LSAMP: variants seen among roughly 807,000 people sequenced by gnomAD.
LSAMP encodes limbic system associated membrane protein.
LSAMP carries 7 observed loss-of-function variants against 38.6 expected under a neutral mutation model. That is an observed-to-expected ratio of 0.18 (90% CI 0.10 to 0.34). The LOEUF (loss-of-function observed/expected upper bound fraction) is 0.34, where lower values mean the gene tolerates loss of function less well. Among genes scored for constraint, LSAMP ranks in the 10% least tolerant of loss-of-function variants. The probability of loss-of-function intolerance (pLI) is 1.00; values close to 1 mark genes in which losing one functional copy is unlikely to be tolerated. For synonymous variants in LSAMP, 154 were observed against 166.8 expected (o/e 0.92, Z 0.59); for missense variants, 313 against 420.0 (o/e 0.75, Z 2.23).
chr3:115,819,717 C>T (rs921758713), intron 6 of LSAMP, among the ~76,000 whole-genome samples: 1 of 152,128 alleles, frequency 6.6e-6, no homozygotes, highest in Non-Finnish European at 1.5e-5. Flanking sequence ...CTTTAAAAAG[C>T]AAAACAGGTT....
intron 2 of LSAMP, among the ~76,000 whole-genome samples, chr3:116,049,124 A>G (rs1941345483): frequency 6.6e-6 from 1 of 152,246 alleles, no homozygotes; most frequent in Non-Finnish European, 1.5e-5. Context: ...ATGCTCAACC[A>G]GAGCTTGAAG....
chr3:115,861,328 G>A (rs1935694592), intron 3 of LSAMP, among the ~76,000 whole-genome samples: 1 of 151,960 alleles, frequency 6.6e-6, no homozygotes, highest in Non-Finnish European at 1.5e-5. Context: ...CCTGTTTCTT[G>A]ACACTGAGTA....
chr3:115,926,659 A>G (rs1937506336), intron 3 of LSAMP, among the ~76,000 whole-genome samples: 2 of 152,228 alleles, frequency 1.3e-5, no homozygotes, highest in African/African-American at 4.8e-5. Context: ...GCAGACGTGC[A>G]TCAGGAGTTG....
chr3:115,969,247 G>A (rs1938931519), intron 3 of LSAMP, among the ~76,000 whole-genome samples: 1 of 152,186 alleles, frequency 6.6e-6, no homozygotes, highest in Non-Finnish European at 1.5e-5. Flanking sequence ...GAAGGCTTCT[G>A]TTTGGCCATT....
intron 1 of LSAMP, among the ~76,000 whole-genome samples, chr3:116,255,901 A>G (rs2046744234): frequency 6.6e-6 from 1 of 152,106 alleles, no homozygotes; most frequent in African/African-American, 2.4e-5. Context: ...AGGTTTGTTT[A>G]TTTATTTATT....
intron 1 of LSAMP, among the ~76,000 whole-genome samples, chr3:116,311,143 T>C (rs2047552860): frequency 6.6e-6 from 1 of 152,142 alleles, no homozygotes; most frequent in South Asian, 2.1e-4. Flanking sequence ...GAAATCATTA[T>C]GTAATTTCTA....
intron 1 of LSAMP, among the ~76,000 whole-genome samples, chr3:116,349,724 G>GA (rs1576151612): frequency 6.6e-6 from 1 of 151,826 alleles, no homozygotes; most frequent in African/African-American, 2.4e-5. Context: ...AGTGTTACAG[G>GA]AAAAAAATAA....
intron 1 of LSAMP, among the ~76,000 whole-genome samples, chr3:116,423,030 A>G (rs1275276073): frequency 6.6e-6 from 1 of 152,118 alleles, no homozygotes; most frequent in African/African-American, 2.4e-5. Context: ...CTTATTTACT[A>G]CTTTATTCCC....
intron 1 of LSAMP, among the ~76,000 whole-genome samples, chr3:116,199,083 CAAAAAT>C (rs1293638872): frequency 2.0e-5 from 3 of 150,346 alleles, no homozygotes; most frequent in Non-Finnish European, 4.4e-5. Flanking sequence ...GACCTTGTCT[CAAAAAT>C]AAAATGAAAT....
chr3:116,171,800 A>G (rs1710206468), intron 1 of LSAMP, among the ~76,000 whole-genome samples: 1 of 151,906 alleles, frequency 6.6e-6, no homozygotes, highest in South Asian at 2.1e-4. Context: ...AGAAGAGAGG[A>G]TCAACTTTTA....
intron 1 of LSAMP, among the ~76,000 whole-genome samples, chr3:116,106,120 T>G (rs1330970878): frequency 6.6e-6 from 1 of 152,158 alleles, no homozygotes; most frequent in Non-Finnish European, 1.5e-5. Flanking sequence ...GGTCTAAGAA[T>G]TGGGACGACT....
chr3:116,424,339 A>G (rs1340329109), intron 1 of LSAMP, among the ~76,000 whole-genome samples: 1 of 152,222 alleles, frequency 6.6e-6, no homozygotes, highest in Non-Finnish European at 1.5e-5. Context: ...GCTGAGCAAG[A>G]GAGAGCAGTT....
At chr3:116,093,563 G>A (rs970068497) in intron 1 of LSAMP, among the ~76,000 whole-genome samples, 2 of 152,200 alleles carry the variant, frequency 1.3e-5, no homozygotes, top group African/African-American at 2.4e-5. Context: ...ATGATTATAA[G>A]TTAGTAGTTA....
intron 1 of LSAMP, among the ~76,000 whole-genome samples, chr3:116,441,966 TCTC>T (rs912689757): frequency 1.3e-5 from 2 of 152,166 alleles, no homozygotes; most frequent in Non-Finnish European, 2.9e-5. Context: ...AGGTCTGTAA[TCTC>T]CTCTAGAAAA....
intron 1 of LSAMP, among the ~76,000 whole-genome samples, chr3:116,109,893 G>A (rs1255842795): frequency 1.3e-5 from 2 of 151,724 alleles, no homozygotes; most frequent in African/African-American, 4.8e-5. Flanking sequence ...TGGAAATAAG[G>A]GATTGGGGCA....
chr3:116,007,495 G>A (rs1235774656), intron 3 of LSAMP, among the ~76,000 whole-genome samples: 2 of 152,128 alleles, frequency 1.3e-5, no homozygotes, highest in Non-Finnish European at 2.9e-5. Flanking sequence ...TCAGAAATGT[G>A]TGCACATTTT....
chr3:116,398,423 G>A (rs972555139), intron 1 of LSAMP, among the ~76,000 whole-genome samples: 2 of 152,076 alleles, frequency 1.3e-5, no homozygotes, highest in South Asian at 4.2e-4. Flanking sequence ...ATCTGGCTCC[G>A]TAGGTATTCA....
intron 6 of LSAMP, among the ~76,000 whole-genome samples, chr3:115,813,323 G>T (rs1933900828): frequency 6.6e-6 from 1 of 151,996 alleles, no homozygotes; most frequent in African/African-American, 2.4e-5. Flanking sequence ...ATTGCCCATA[G>T]TATTCTCTAT....
intron 1 of LSAMP, among the ~76,000 whole-genome samples, chr3:116,155,008 G>A (rs1307531645): frequency 2.0e-5 from 1 of 49,294 alleles, no homozygotes; most frequent in African/African-American, 5.8e-5. Context: ...ATTTCTTCAT[G>A]AATGTTTTGG....
Sources: gnomAD v4.1 joint callset for allele counts (sites outside exome capture counted in the v4.1 genomes callset) on GRCh38, gnomAD v4.1.1 for gene constraint, MANE v1.5 for transcripts, NCBI Gene and HGNC (gene_info 2026-07-23, HGNC 2026-07-21) for gene names.